The following MRPL47 variants were observed in gnomAD, a reference collection of about 807,000 sequenced individuals.
MRPL47 encodes the protein large ribosomal subunit protein uL29m.
A neutral mutation model predicts 34.0 loss-of-function variants in MRPL47; 31 were observed. The observed-to-expected ratio is 0.91, with a 90% CI of 0.68 to 1.23. The LOEUF (loss-of-function observed/expected upper bound fraction) is 1.23. MRPL47 is among the 50% of genes most tolerant of loss of function. The probability of loss-of-function intolerance (pLI) is 0.00; values close to 1 mark genes in which losing one functional copy is unlikely to be tolerated. For synonymous variants in MRPL47, 106 were observed against 101.6 expected (o/e 1.04, Z -0.26); for missense variants, 328 against 285.8 (o/e 1.15, Z -1.07).
At chr3:179,598,169 T>G (rs1378662418) in intron 4 of MRPL47, among the ~76,000 whole-genome samples, 2 of 152,026 alleles carry the variant, frequency 1.3e-5, no homozygotes, top group Non-Finnish European at 2.9e-5. Flanking sequence ...AGTAGGTCAC[T>G]TGAGGTTAAG....
intron 2 of MRPL47, 50 bp downstream of exon 2, chr3:179,602,602 G>GC (rs745445827): frequency 7.1e-6 from 6 of 844,810 alleles, no homozygotes; most frequent in African/African-American, 6.4e-5. Context: ...GCGGGGCGGG[G>GC]GGGGGGGTTC....
intron 3 of MRPL47, among the ~76,000 whole-genome samples, chr3:179,601,224 A>G (rs570206798): frequency 6.6e-6 from 1 of 152,272 alleles, no homozygotes; most frequent in South Asian, 2.1e-4. Context: ...CCTGGGTAAC[A>G]TAGGGAGACT....
chr3:179,599,026 G>A (rs574478393), intron 3 of MRPL47, among the ~76,000 whole-genome samples: 4 of 152,004 alleles, frequency 2.6e-5, no homozygotes, highest in Non-Finnish European at 4.4e-5. Context: ...ATAATTAGCC[G>A]GGCATGGCAG....
Position 179,588,769 on chromosome 3 carries a change from C to CTT in MRPL47, c.*101_*102dup, listed in dbSNP as rs1165983069. 17 of 1,156,168 alleles carry CTT rather than the reference C, an allele frequency of 1.5e-5. No homozygotes were observed. The highest frequency in any genetic ancestry group is 2.0e-5 in the Non-Finnish European group (17 of 829,434). The allele number at this position is 1,156,168 out of a possible 1,614,324, so 71.6% of individuals were successfully genotyped here. A position where few individuals can be genotyped will look rare whatever the true frequency, so the allele number is the denominator to read the frequency against. ...TTAGAACAACTGATTAGTAAAGTCA[C>CTT]TTGACTAAAAACAGAATTTCTTTAT... On this transcript the variant is annotated 3_prime_UTR_variant, in exon 7 of 7. Transcript: ENST00000476781.
In MRPL47 at chr3:179,588,662, A is replaced by G. The variant is rs1041609547; in HGVS notation, c.*210T>C. On this transcript the variant is annotated 3_prime_UTR_variant, in exon 7 of 7. Transcript: ENST00000476781. Reference sequence around the variant, plus strand: ...TAAATGTCAGAATTTATAAAGTGGGAATCTCATCTGAACTTTATACCTGAT... The same window carrying G: ...TAAATGTCAGAATTTATAAAGTGGGGATCTCATCTGAACTTTATACCTGAT... 1.1e-5 allele frequency: 4 copies of G among 378,068 alleles called. No homozygotes were observed. Among genetic ancestry groups the G allele is most frequent in the African/African-American group, 8.2e-5 (4 of 48,702 alleles). 23.4% of individuals were successfully genotyped at this position (378,068 alleles called of 1,614,324 possible).
intron 4 of MRPL47, among the ~76,000 whole-genome samples, chr3:179,595,734 A>G (rs1217629308): frequency 1.3e-5 from 2 of 152,238 alleles, no homozygotes; most frequent in African/African-American, 4.8e-5. Flanking sequence ...TCATGCCAAG[A>G]AATGTGAAGG....
Position 179,588,851 on chromosome 3 carries a change from A to G in MRPL47, c.*21T>C. On this transcript the variant is annotated 3_prime_UTR_variant, in exon 7 of 7. Coordinates refer to ENST00000476781, the MANE Select transcript of MRPL47 (RefSeq NM_020409.3). Reference sequence around the variant, plus strand: ...GACTATTCAAGAAAAACAAAATGGTAAATTTAATAGTTCAGACATCTTAGA... The same window carrying G: ...GACTATTCAAGAAAAACAAAATGGTGAATTTAATAGTTCAGACATCTTAGA... 1 of 1,605,262 alleles carries G rather than the reference A, an allele frequency of 6.2e-7. No homozygotes were observed. Among genetic ancestry groups the G allele is most frequent in the Non-Finnish European group, 8.5e-7 (1 of 1,176,630 alleles).
chr3:179,604,606 C>A lies in MRPL47; in HGVS notation c.19G>T (p.Ala7Ser). 1 of 1,614,232 alleles carries A rather than the reference C, an allele frequency of 6.2e-7. No individual in the cohort carries two copies. The highest frequency in any genetic ancestry group is 8.5e-7 in the Non-Finnish European group (1 of 1,180,038). MAAAGL[A>S]LLCRRVSSAL... ...GATGAAACTCTCCTACAAAGAAGGG[C>A]CAAACCGGCCGCAGCCATGTTTTCG... is the stretch of plus-strand genomic sequence containing the variant. The change falls in exon 1 of 7, where the codon GCC (alanine) becomes TCC (serine). Residue 7 changes from alanine (A) to serine (S), a missense_variant. Ala to Ser is a moderately conservative substitution (Grantham distance 99, BLOSUM62 1). Transcript: ENST00000476781.
intron 5 of MRPL47, among the ~76,000 whole-genome samples, chr3:179,593,518 C>A (rs1718721075): frequency 6.6e-6 from 1 of 152,148 alleles, no homozygotes; most frequent in African/African-American, 2.4e-5. Flanking sequence ...AGAACCACTA[C>A]AATAAAGACT....
intron 6 of MRPL47, among the ~76,000 whole-genome samples, 191 bp downstream of exon 6, chr3:179,592,453 C>T (rs930875735): frequency 6.6e-6 from 1 of 152,170 alleles, no homozygotes; most frequent in Non-Finnish European, 1.5e-5. Context: ...CTCGGCCTCC[C>T]AAAGTGCTGG....
At chr3:179,592,542 T>C (rs1718699638) in intron 6 of MRPL47, 102 bp downstream of exon 6, 1 of 704,712 alleles carries the variant, frequency 1.4e-6, no homozygotes. Flanking sequence ...AAATTAAAAT[T>C]TAAAGACAGC....
intron 6 of MRPL47, among the ~76,000 whole-genome samples, chr3:179,591,778 A>C (rs556352289): frequency 6.6e-6 from 1 of 152,346 alleles, no homozygotes; most frequent in African/African-American, 2.4e-5. Context: ...AAGAATAGAA[A>C]GGCAATAAAA....
chr3:179,593,727 ACT>A (rs1560018249), intron 5 of MRPL47, 36 bp downstream of exon 5: 2 of 1,573,710 alleles, frequency 1.3e-6, no homozygotes, highest in East Asian at 4.6e-5. Context: ...ATGGATTTCC[ACT>A]CTCATCTTAG....
In MRPL47 at chr3:179,592,733, C is replaced by T. The variant is rs527849556; in HGVS notation, c.540G>A (p.Lys180=). 9.1e-5 allele frequency: 146 copies of T among 1,609,736 alleles called. No individual in the cohort carries two copies. Among genetic ancestry groups the T allele is most frequent in the Non-Finnish European group, 1.2e-4 (138 of 1,177,328 alleles). The change falls in exon 6 of 7, where the codon AAG becomes AAA. Residue 180 remains lysine (K), a synonymous_variant. Transcript: ENST00000476781. Reference sequence around the variant, plus strand: ...GCCAAGGTATAACCCACTGCTTGAACTTGTGCCTGCCAATAAAGCAAAAAG... The same window carrying T: ...GCCAAGGTATAACCCACTGCTTGAATTTGTGCCTGCCAATAAAGCAAAAAG... ...RDIFGRIIWH[K]FKQWVIPWHL...
At chr3:179,603,795 T>C (rs1468796475) in intron 1 of MRPL47, among the ~76,000 whole-genome samples, 1 of 152,142 alleles carries the variant, frequency 6.6e-6, no homozygotes, top group Non-Finnish European at 1.5e-5. Context: ...AATTCAAAAA[T>C]CCTGTTTTTA....
At position 179,588,633 on chromosome 3, in the gene MRPL47, TGC is replaced by T. The variant is rs1718584055; in HGVS notation, c.*237_*238del. 5 of 324,098 alleles carry T rather than the reference TGC, an allele frequency of 1.5e-5. No individual in the cohort carries two copies. Among genetic ancestry groups the T allele is most frequent in the Non-Finnish European group, 2.3e-5 (4 of 176,054 alleles). 20.1% of individuals were successfully genotyped at this position (324,098 alleles called of 1,614,324 possible). A position where few individuals can be genotyped will look rare whatever the true frequency, so the allele number is the denominator to read the frequency against. On this transcript the variant is annotated 3_prime_UTR_variant, in exon 7 of 7. Transcript: ENST00000476781. ...AAGGTAGCAGGTGACATTTAAAGCC[TGC>T]TTAAATGTCAGAATTTATAAAGTGG...
rs1718599351 is a variant in MRPL47, at chr3:179,589,003, A to T, written c.630-8T>A. 1.5e-5 allele frequency: 24 copies of T among 1,590,872 alleles called. No homozygotes were observed. The highest frequency in any genetic ancestry group is 1.9e-5 in the Non-Finnish European group (22 of 1,171,746). ...CGTTTCTCACGTTCCAGTCTAGAAT[A>T]AAAAAAGCGTAACAGCAATTTATAC... On this transcript the variant is annotated splice_region_variant and splice_polypyrimidine_tract_variant and intron_variant, in intron 6 of 6. Transcript: ENST00000476781.
chr3:179,601,427 C>T (rs1455141740), intron 3 of MRPL47, among the ~76,000 whole-genome samples: 2 of 152,116 alleles, frequency 1.3e-5, no homozygotes, highest in African/African-American at 4.8e-5. Context: ...ACAAAAGCCA[C>T]CAACTATTCT....
chr3:179,597,414 T>C (rs1344984965), intron 4 of MRPL47, among the ~76,000 whole-genome samples: 2 of 152,154 alleles, frequency 1.3e-5, no homozygotes, highest in African/African-American at 4.8e-5. Context: ...AATGCTATTA[T>C]AAAAACTGAG....
Sources: gnomAD v4.1 joint callset for allele counts (sites outside exome capture counted in the v4.1 genomes callset) on GRCh38, gnomAD v4.1.1 for gene constraint, MANE v1.5 for transcripts, NCBI Gene and HGNC (gene_info 2026-07-23, HGNC 2026-07-21) for gene names.